Variants in GYS2 observed in about 807,000 individuals in gnomAD.
GYS2 encodes glycogen [starch] synthase, liver.
Under a neutral mutation model 85.6 loss-of-function variants are expected in GYS2, and 80 were observed. That is an observed-to-expected ratio of 0.93 (90% CI 0.78 to 1.13). GYS2 has a LOEUF of 1.13. GYS2 is among the 50% of genes most tolerant of loss of function. The pLI, the probability that GYS2 is intolerant of heterozygous loss-of-function variation, is 0.00. For missense variants in GYS2, 881 were observed against 854.9 expected (o/e 1.03, Z -0.38); for synonymous variants, 328 against 300.7 (o/e 1.09, Z -0.94).
chr12:21,557,066 C>A (rs982198611), intron 11 of GYS2, among the ~76,000 whole-genome samples: 3 of 152,026 alleles, frequency 2.0e-5, no homozygotes, highest in Non-Finnish European at 4.4e-5. Flanking sequence ...AAGGATAGGT[C>A]AAAATCTACA....
chr12:21,557,040 C>T (rs1944188566), intron 11 of GYS2, among the ~76,000 whole-genome samples: 1 of 152,082 alleles, frequency 6.6e-6, no homozygotes, highest in South Asian at 2.1e-4. Context: ...TTGTAAGAAC[C>T]TGAAGGAAAA....
intron 11 of GYS2, 75 bp downstream of exon 11, chr12:21,558,125 A>G: frequency 2.2e-6 from 2 of 915,822 alleles, no homozygotes; most frequent in East Asian, 2.6e-5. Flanking sequence ...AAAAACAACT[A>G]AGGAAAGCTA....
chr12:21,571,847 A>C (rs1944389724), intron 4 of GYS2, among the ~76,000 whole-genome samples: 1 of 152,036 alleles, frequency 6.6e-6, no homozygotes, highest in African/African-American at 2.4e-5. Context: ...CTGTAGTCCC[A>C]CCTACTCAGG....
chr12:21,540,893 T>C (rs1943965342), intron 13 of GYS2, among the ~76,000 whole-genome samples: 1 of 152,092 alleles, frequency 6.6e-6, no homozygotes, highest in African/African-American at 2.4e-5. Context: ...TCTGTGCCTT[T>C]TATGTTCCCC....
chr12:21,587,395 G>T (rs978018524), intron 1 of GYS2, among the ~76,000 whole-genome samples: 3 of 152,170 alleles, frequency 2.0e-5, no homozygotes, highest in Admixed American at 1.3e-4. Context: ...CTCACGTGTT[G>T]TGGGAGGGAT....
chr12:21,538,388 T>G (rs753928985), intron 15 of GYS2, among the ~76,000 whole-genome samples: 53 of 152,322 alleles, frequency 3.5e-4, no homozygotes, highest in Non-Finnish European at 6.9e-4. Context: ...ATATCTGAAC[T>G]GAAAAATCTA....
rs1014449327 is a variant in GYS2, at chr12:21,536,650, G to C, written c.*304C>G. 6 of 402,552 alleles carry C rather than the reference G, an allele frequency of 1.5e-5. No individual in the cohort carries two copies. The highest frequency in any genetic ancestry group is 1.2e-4 in the African/African-American group (6 of 49,008). The allele number at this position is 402,552 out of a possible 1,614,324, so 24.9% of individuals were successfully genotyped here. On this transcript the variant is annotated 3_prime_UTR_variant, in exon 16 of 16. Coordinates refer to ENST00000261195, the MANE Select transcript of GYS2 (RefSeq NM_021957.4). ...TATGATGATCATTTAAAAATAAACAGAGTAAGAGAAAATCCTTACCACTTA... is the reference window on the plus strand; with the variant it reads ...TATGATGATCATTTAAAAATAAACACAGTAAGAGAAAATCCTTACCACTTA...
At position 21,574,657 on chromosome 12, in the gene GYS2, TA is replaced by T. The variant is rs1944425079; in HGVS notation, c.496-332del. On this transcript the variant is annotated intron_variant, in intron 3 of 15. Coordinates refer to ENST00000261195, the MANE Select transcript of GYS2 (RefSeq NM_021957.4). Reference sequence around the variant, plus strand: ...AGTAGGCACTCAAAAAATATTTATTTAAGAATAAATAAATTCTTAAAGATAT... The same window carrying T: ...AGTAGGCACTCAAAAAATATTTATTTAGAATAAATAAATTCTTAAAGATAT... Among the ~76,000 whole-genome samples the T allele has an allele frequency of 5.9e-5, 9 of 152,174 alleles. No individual in the cohort carries two copies. The South Asian group carries it at 1.9e-3, about 31-fold the overall frequency.
chr12:21,576,454 G>T (rs573634020), intron 2 of GYS2, among the ~76,000 whole-genome samples: 2 of 152,068 alleles, frequency 1.3e-5, no homozygotes, highest in Non-Finnish European at 2.9e-5. Flanking sequence ...CTCCAGTGTC[G>T]CTTATTTTCT....
chr12:21,555,797 C>T lies in GYS2; in HGVS notation c.1422+2403G>A, dbSNP rs1046632096. On this transcript the variant is annotated intron_variant, in intron 11 of 15. Coordinates refer to ENST00000261195, the MANE Select transcript of GYS2 (RefSeq NM_021957.4). ...TCTCTCATTCTCCTAGGCTGCAGCA[C>T]CTGAAAAAGCCTTCTTCCCTGGCAA... Among the ~76,000 whole-genome samples, 3 of 152,126 alleles carry T rather than the reference C, an allele frequency of 2.0e-5. 1 individual carries two copies. The highest frequency in any genetic ancestry group is 4.1e-4 in the South Asian group (2 of 4,824).
At chr12:21,545,882 T>C (rs1253384968) in intron 12 of GYS2, among the ~76,000 whole-genome samples, 1 of 152,188 alleles carries the variant, frequency 6.6e-6, no homozygotes, top group African/African-American at 2.4e-5. Context: ...CATATGACTG[T>C]GTTACCCATT....
intron 5 of GYS2, among the ~76,000 whole-genome samples, chr12:21,566,386 A>G (rs1265309392): frequency 6.6e-6 from 1 of 151,486 alleles, no homozygotes; most frequent in African/African-American, 2.4e-5. Flanking sequence ...GGGAAGGTTT[A>G]TATGTTTAAT....
At chr12:21,571,285 G>A (rs145030026) in intron 4 of GYS2, among the ~76,000 whole-genome samples, 9 of 152,220 alleles carry the variant, frequency 5.9e-5, no homozygotes, top group East Asian at 3.9e-4. Flanking sequence ...AACCTTATCC[G>A]TTTACACATG....
chr12:21,555,842 T>A (rs1944172928), intron 11 of GYS2, among the ~76,000 whole-genome samples: 1 of 152,220 alleles, frequency 6.6e-6, no homozygotes, highest in South Asian at 2.1e-4. Flanking sequence ...TCTCAGTAAC[T>A]GGCTTTCTGC....
At chr12:21,584,903 C>G (rs1944555969) in intron 1 of GYS2, among the ~76,000 whole-genome samples, 1 of 152,216 alleles carries the variant, frequency 6.6e-6, no homozygotes, top group South Asian at 2.1e-4. Context: ...GGCTCATGCT[C>G]ATGGAATTTA....
At chr12:21,552,835 T>A (rs1944129472) in intron 11 of GYS2, among the ~76,000 whole-genome samples, 1 of 152,158 alleles carries the variant, frequency 6.6e-6, no homozygotes, top group African/African-American at 2.4e-5. Context: ...AGATCATTAA[T>A]CAAGATCTAG....
At chr12:21,560,361 G>C in intron 8 of GYS2, 25 bp downstream of exon 8, 1 of 1,169,228 alleles carries the variant, frequency 8.6e-7, no homozygotes, top group African/African-American at 1.5e-5. Context: ...TATTGCTAGA[G>C]AACATTCACA....
chr12:21,542,362 T>A (rs558911867), intron 13 of GYS2, 134 bp downstream of exon 13: 908 of 712,234 alleles, frequency 1.3e-3, no homozygotes, highest in Non-Finnish European at 2.0e-3. Flanking sequence ...AATTGACTTT[T>A]AATTAAACAA....
chr12:21,557,538 C>G (rs1944195107), intron 11 of GYS2, among the ~76,000 whole-genome samples: 1 of 152,228 alleles, frequency 6.6e-6, no homozygotes, highest in Non-Finnish European at 1.5e-5. Flanking sequence ...GAAACAAACA[C>G]TATCCATGTT....
Sources: allele counts gnomAD v4.1 joint callset (sites outside exome capture counted in the v4.1 genomes callset), GRCh38; gene constraint gnomAD v4.1.1; transcripts MANE v1.5; gene names NCBI Gene and HGNC (gene_info 2026-07-23, HGNC 2026-07-21).